Variants in INTS14 observed in about 807,000 individuals in gnomAD.
The protein encoded by INTS14 is UPF0464 protein C15orf44.
Under a neutral mutation model 56.9 loss-of-function variants are expected in INTS14, and 27 were observed. The observed-to-expected ratio is 0.47, with a 90% CI of 0.35 to 0.65. The LOEUF (loss-of-function observed/expected upper bound fraction) is 0.65. Ranked by LOEUF, INTS14 falls within the 30% of genes least tolerant of loss-of-function variation. INTS14 has a pLI of 0.00. For synonymous variants in INTS14, 207 were observed against 236.2 expected (o/e 0.88, Z 1.13); for missense variants, 517 against 632.2 (o/e 0.82, Z 1.95).
intron 6 of INTS14, 85 bp downstream of exon 6, chr15:65,598,236 A>G: frequency 7.3e-7 from 1 of 1,368,354 alleles, no homozygotes; most frequent in Non-Finnish European, 1.0e-6. Flanking sequence ...CAACCTTCCT[A>G]GACAGAGAAG....
rs748879433 is a variant in INTS14, at chr15:65,611,007, G to C, written c.-63+91C>G. 8 of 1,515,374 alleles carry C rather than the reference G, an allele frequency of 5.3e-6. No homozygotes were observed. The South Asian group carries it at 8.4e-5, about 16-fold the overall frequency. 93.9% of individuals were successfully genotyped at this position (1,515,374 alleles called of 1,614,324 possible). A position where few individuals can be genotyped will look rare whatever the true frequency, so the allele number is the denominator to read the frequency against. The stretch of plus-strand genomic sequence containing the variant: ...CACGGTGGCGGGAAGGCCAAGCGCT[G>C]GCCCTGGGTTGTTCTTCACCCATAA... On this transcript the variant is annotated intron_variant, in intron 1 of 11. Transcript: ENST00000313182.
Position 65,578,980 on chromosome 15 carries a change from GAC to G in INTS14, c.*426_*427del, listed in dbSNP as rs2072470314. The G allele has an allele frequency of 1.9e-5, 3 of 160,176 alleles. No individual in the cohort carries two copies. The highest frequency in any genetic ancestry group is 1.2e-4 in the Admixed American group (2 of 16,550). 9.9% of individuals were successfully genotyped at this position (160,176 alleles called of 1,614,324 possible). A position where few individuals can be genotyped will look rare whatever the true frequency, so the allele number is the denominator to read the frequency against. Reference sequence around the variant, plus strand: ...GTGTGTTTGTACTCAGCAAGCTCCAGACAGTCTGAGTTGCTCATTCCATGAAC... The same window carrying G: ...GTGTGTTTGTACTCAGCAAGCTCCAGAGTCTGAGTTGCTCATTCCATGAAC... On this transcript the variant is annotated 3_prime_UTR_variant, in exon 12 of 12. Coordinates refer to ENST00000313182, the MANE Select transcript of INTS14 (RefSeq NM_001394796.1).
At chr15:65,610,845 G>A in intron 1 of INTS14, 1 of 1,530,428 alleles carries the variant, frequency 6.5e-7, no homozygotes, top group East Asian at 2.4e-5. Flanking sequence ...CTCTTGGAAA[G>A]AGGGGGCAGA....
At chr15:65,610,563 G>A (rs1354481346) in intron 1 of INTS14, 10 of 1,008,508 alleles carry the variant, frequency 9.9e-6, no homozygotes, top group Non-Finnish European at 2.8e-6. Flanking sequence ...TGAATACCAA[G>A]TGTCCATCAG....
At position 65,591,614 on chromosome 15, in the gene INTS14, C is replaced by T; in HGVS notation, c.1104G>A (p.Gln368=). The T allele has an allele frequency of 3.7e-6, 6 of 1,614,024 alleles. No individual in the cohort carries two copies. The highest frequency in any genetic ancestry group is 5.1e-6 in the Non-Finnish European group (6 of 1,179,980). ...GGATTATACCTGAAATAGGACCCAACTGTGCCATTTTCCCTAGCCATGGGA... is the reference window on the plus strand; with the variant it reads ...GGATTATACCTGAAATAGGACCCAATTGTGCCATTTTCCCTAGCCATGGGA... ...EPLPWLGKMA[Q]LGPISDAKEN... Residue 368 remains glutamine, a synonymous_variant, in exon 9 of 12, where the codon CAG becomes CAA. Transcript: ENST00000313182.
intron 1 of INTS14, among the ~76,000 whole-genome samples, chr15:65,609,101 G>A (rs1201132330): frequency 6.6e-6 from 1 of 152,172 alleles, no homozygotes; most frequent in African/African-American, 2.4e-5. Context: ...TGTATTTTTA[G>A]TAGAGATGGG....
chr15:65,580,648 T>A (rs370944927), intron 11 of INTS14, among the ~76,000 whole-genome samples: 1 of 152,222 alleles, frequency 6.6e-6, no homozygotes, highest in Non-Finnish European at 1.5e-5. Flanking sequence ...CAAAGTAGCA[T>A]GTATCTTCTC....
At chr15:65,594,556 GT>G (rs777652735) in intron 7 of INTS14, among the ~76,000 whole-genome samples, 1,624 of 126,862 alleles carry the variant, frequency 0.013, 23 homozygotes, top group African/African-American at 0.043. Flanking sequence ...CTACGCCCAG[GT>G]TTTTTTTTTT....
intron 7 of INTS14, among the ~76,000 whole-genome samples, chr15:65,594,556 G>GT (rs777652735): frequency 0.053 from 6,714 of 126,794 alleles, 462 homozygotes; most frequent in African/African-American, 0.16. Flanking sequence ...CTACGCCCAG[G>GT]TTTTTTTTTT....
intron 6 of INTS14, among the ~76,000 whole-genome samples, chr15:65,596,339 AAAAT>A (rs1193792930): frequency 5.9e-5 from 9 of 152,224 alleles, no homozygotes; most frequent in Non-Finnish European, 1.2e-4. Flanking sequence ...TTGAAAACCT[AAAAT>A]AAATAAAAAT....
intron 1 of INTS14, among the ~76,000 whole-genome samples, chr15:65,608,304 C>T (rs1379500179): frequency 1.3e-5 from 2 of 149,146 alleles, no homozygotes; most frequent in Non-Finnish European, 3.0e-5. Flanking sequence ...TTGTAGTGAG[C>T]CGAGATCGTG....
At chr15:65,596,229 G>C (rs2073206474) in intron 6 of INTS14, among the ~76,000 whole-genome samples, 1 of 152,112 alleles carries the variant, frequency 6.6e-6, no homozygotes, top group South Asian at 2.1e-4. Context: ...ACATCTCTCT[G>C]AGAAAGAACT....
At chr15:65,601,400 T>C (rs1427400936) in intron 3 of INTS14, among the ~76,000 whole-genome samples, 5 of 152,104 alleles carry the variant, frequency 3.3e-5, no homozygotes, top group Admixed American at 3.3e-4. Context: ...TGGAGTGCGG[T>C]GGCGTGATCT....
intron 3 of INTS14, among the ~76,000 whole-genome samples, chr15:65,603,114 T>C (rs1423443241): frequency 6.6e-6 from 1 of 152,202 alleles, no homozygotes; most frequent in African/African-American, 2.4e-5. Flanking sequence ...CCTATATGCA[T>C]GGATTTACCA....
intron 10 of INTS14, 70 bp downstream of exon 10, chr15:65,584,700 A>G: frequency 2.3e-6 from 3 of 1,326,700 alleles, no homozygotes; most frequent in Non-Finnish European, 3.2e-6. Flanking sequence ...AGAAAATCAA[A>G]TAAAATGCCT....
Position 65,598,952 on chromosome 15 carries a change from G to A in INTS14, c.525C>T (p.Leu175=), listed in dbSNP as rs1209492269. 6.2e-7 allele frequency: 1 copy of A among 1,613,874 alleles called. No homozygotes were observed. The highest frequency in any genetic ancestry group is 8.5e-7 in the Non-Finnish European group (1 of 1,179,952). ...GCCCTTCACCATTGTTTAAATCTAT[G>A]AGACGTTCAAGGCATTCCAAGGAAT... ...STDSLECLER[L]IDLNNGEGQI... The change falls in exon 5 of 12, where the codon CTC becomes CTT. Residue 175 remains leucine, a synonymous_variant. Coordinates refer to ENST00000313182, the MANE Select transcript of INTS14 (RefSeq NM_001394796.1).
chr15:65,611,029 A>G (rs1325841418), intron 1 of INTS14, 69 bp downstream of exon 1: 9 of 1,534,170 alleles, frequency 5.9e-6, no homozygotes, highest in Non-Finnish European at 7.9e-6. Context: ...TTCTTCACCC[A>G]TAACCCCTTC....
intron 4 of INTS14, 80 bp downstream of exon 4, chr15:65,599,687 CAATATAG>C: frequency 1.4e-6 from 2 of 1,410,892 alleles, no homozygotes; most frequent in Non-Finnish European, 1.9e-6. Context: ...ACAGTATATA[CAATATAG>C]CACTAGTGGT....
chr15:65,581,501 T>C (rs999910011), intron 11 of INTS14, among the ~76,000 whole-genome samples: 1 of 122,282 alleles, frequency 8.2e-6, no homozygotes, highest in Non-Finnish European at 1.6e-5. Flanking sequence ...TGACCCAAGA[T>C]TGCACCACGA....
Sources: allele counts gnomAD v4.1 joint callset (sites outside exome capture counted in the v4.1 genomes callset), GRCh38; gene constraint gnomAD v4.1.1; transcripts MANE v1.5; gene names NCBI Gene and HGNC (gene_info 2026-07-23, HGNC 2026-07-21).